The following CACNA2D3 variants were observed in gnomAD, a reference collection of about 807,000 sequenced individuals.
CACNA2D3 encodes the protein voltage-dependent calcium channel subunit alpha-2/delta-3.
A neutral mutation model predicts 160.6 loss-of-function variants in CACNA2D3; 60 were observed. That is an observed-to-expected ratio of 0.37 (90% CI 0.30 to 0.46). CACNA2D3 has a LOEUF of 0.46. Among genes scored for constraint, CACNA2D3 ranks in the 20% least tolerant of loss-of-function variants. The probability of loss-of-function intolerance (pLI) is 1.00; values close to 1 mark genes in which losing one functional copy is unlikely to be tolerated. For synonymous variants in CACNA2D3, 558 were observed against 492.9 expected (o/e 1.13, Z -1.75); for missense variants, 1,205 against 1,365.0 (o/e 0.88, Z 1.85).
intron 31 of CACNA2D3, among the ~76,000 whole-genome samples, chr3:55,002,989 C>T (rs1306319889): frequency 6.6e-6 from 1 of 152,130 alleles, no homozygotes. Context: ...ATGCATTCAC[C>T]CTTTTAAAAC....
At chr3:54,191,211 T>C (rs1700975856) in intron 2 of CACNA2D3, among the ~76,000 whole-genome samples, 3 of 152,296 alleles carry the variant, frequency 2.0e-5, no homozygotes, top group Admixed American at 1.3e-4. Flanking sequence ...CAGCCTTTTC[T>C]ATTCACTAAA....
Position 54,522,933 on chromosome 3 carries a change from TTTACTTACTTAC to T in CACNA2D3, c.544+19309_544+19320del, listed in dbSNP as rs61291743. The stretch of plus-strand genomic sequence containing the variant: ...ATTTATTTATTTATTTATTTATTTA[TTTACTTACTTAC>T]TTACTTACTTACTTACTTACTTACT... On this transcript the variant is annotated intron_variant, in intron 5 of 37. Coordinates refer to ENST00000474759, the MANE Select transcript of CACNA2D3 (RefSeq NM_018398.3). 2.3e-3 allele frequency among the ~76,000 whole-genome samples: 310 copies of T among 135,426 alleles called. 2 individuals are homozygous for T. The highest frequency in any genetic ancestry group is 3.6e-3 in the Middle Eastern group (1 of 274). The allele number at this position is 135,426 out of a possible 152,430, so 88.8% of individuals were successfully genotyped here. A position where few individuals can be genotyped will look rare whatever the true frequency, so the allele number is the denominator to read the frequency against.
At chr3:54,719,853 A>G (rs1225615178) in intron 11 of CACNA2D3, among the ~76,000 whole-genome samples, 1 of 152,012 alleles carries the variant, frequency 6.6e-6, no homozygotes, top group African/African-American at 2.4e-5. Flanking sequence ...TTAACATTTC[A>G]TCTTGATTCA....
At chr3:54,707,046 A>T (rs1700868842) in intron 11 of CACNA2D3, among the ~76,000 whole-genome samples, 1 of 152,162 alleles carries the variant, frequency 6.6e-6, no homozygotes, top group South Asian at 2.1e-4. Flanking sequence ...CCTTTACAAA[A>T]TCCTTAATCT....
intron 9 of CACNA2D3, among the ~76,000 whole-genome samples, chr3:54,598,798 C>T (rs999661853): frequency 6.6e-6 from 1 of 152,162 alleles, no homozygotes; most frequent in Non-Finnish European, 1.5e-5. Flanking sequence ...CTTTGATTCA[C>T]GCTCGTGTCC....
intron 11 of CACNA2D3, among the ~76,000 whole-genome samples, chr3:54,721,762 CA>C (rs34393649): frequency 1.1e-3 from 115 of 106,282 alleles, no homozygotes; most frequent in East Asian, 6.1e-3. Context: ...AACTCCATCT[CA>C]AAAAAAAAAA....
intron 3 of CACNA2D3, among the ~76,000 whole-genome samples, chr3:54,330,263 A>C (rs1024519841): frequency 6.6e-6 from 1 of 150,504 alleles, no homozygotes; most frequent in Admixed American, 6.6e-5. Flanking sequence ...TTGGGAAGGA[A>C]AATCAGATCC....
At chr3:54,742,576 C>G (rs1442466926) in intron 11 of CACNA2D3, among the ~76,000 whole-genome samples, 1 of 152,184 alleles carries the variant, frequency 6.6e-6, no homozygotes, top group Non-Finnish European at 1.5e-5. Context: ...CCACTCAGCT[C>G]TGGCTTCCAT....
chr3:54,360,265 G>A (rs751226364), intron 3 of CACNA2D3, among the ~76,000 whole-genome samples: 2 of 152,126 alleles, frequency 1.3e-5, no homozygotes, highest in Non-Finnish European at 2.9e-5. Flanking sequence ...GATTGATTTC[G>A]GTCAGGCCAG....
At chr3:54,774,524 T>C (rs1702385067) in intron 13 of CACNA2D3, among the ~76,000 whole-genome samples, 1 of 151,768 alleles carries the variant, frequency 6.6e-6, no homozygotes, top group South Asian at 2.1e-4. Flanking sequence ...GCAGGCCACT[T>C]CTCCAACACC....
chr3:55,000,254 A>G (rs1218524259), intron 31 of CACNA2D3, among the ~76,000 whole-genome samples: 2 of 152,214 alleles, frequency 1.3e-5, no homozygotes, highest in African/African-American at 2.4e-5. Context: ...TTAAAACAGT[A>G]ACAAAGTCAC....
intron 5 of CACNA2D3, among the ~76,000 whole-genome samples, chr3:54,532,098 T>G (rs1450550458): frequency 6.6e-6 from 1 of 152,216 alleles, no homozygotes; most frequent in Non-Finnish European, 1.5e-5. Flanking sequence ...CTTTTTTTGT[T>G]TGTATCAATG....
At chr3:54,629,566 G>C (rs1376897825) in intron 10 of CACNA2D3, among the ~76,000 whole-genome samples, 1 of 152,154 alleles carries the variant, frequency 6.6e-6, no homozygotes, top group Non-Finnish European at 1.5e-5. Flanking sequence ...AGCTCCAAGG[G>C]GCTGTTGGCT....
intron 12 of CACNA2D3, among the ~76,000 whole-genome samples, chr3:54,762,038 G>C (rs1034941356): frequency 1.3e-5 from 2 of 152,162 alleles, no homozygotes; most frequent in Non-Finnish European, 1.5e-5. Context: ...TTTGTTTGGC[G>C]AGTAGGAGGT....
intron 5 of CACNA2D3, among the ~76,000 whole-genome samples, chr3:54,538,743 G>T (rs574544129): frequency 1.3e-4 from 20 of 152,238 alleles, no homozygotes; most frequent in Non-Finnish European, 1.9e-4. Context: ...AATTATGGGG[G>T]TGCTCCATAA....
intron 13 of CACNA2D3, among the ~76,000 whole-genome samples, chr3:54,771,440 T>G (rs1702319914): frequency 6.6e-6 from 1 of 152,208 alleles, no homozygotes; most frequent in South Asian, 2.1e-4. Flanking sequence ...ACTGCAGGTC[T>G]CATCTGCAAC....
chr3:54,297,457 CGAGT>C (rs58140252), intron 2 of CACNA2D3, among the ~76,000 whole-genome samples: 36,204 of 151,778 alleles, frequency 0.24, 4,472 homozygotes, highest in South Asian at 0.34. Context: ...TTAGGAAAAG[CGAGT>C]CGGCATGCAG....
At chr3:54,284,419 A>T (rs1413130939) in intron 2 of CACNA2D3, among the ~76,000 whole-genome samples, 1 of 151,912 alleles carries the variant, frequency 6.6e-6, no homozygotes, top group Non-Finnish European at 1.5e-5. Context: ...TGTATTTGTT[A>T]TATTGACAAA....
intron 4 of CACNA2D3, among the ~76,000 whole-genome samples, chr3:54,499,973 A>G (rs144240864): frequency 6.6e-6 from 1 of 152,308 alleles, no homozygotes; most frequent in African/African-American, 2.4e-5. Context: ...TCTGTCAGTT[A>G]CTGATACAGG....
Sources: allele counts gnomAD v4.1 joint callset (sites outside exome capture counted in the v4.1 genomes callset), GRCh38; gene constraint gnomAD v4.1.1; transcripts MANE v1.5; gene names NCBI Gene and HGNC (gene_info 2026-07-23, HGNC 2026-07-21).